Variants in DOCK2 observed in about 807,000 individuals in gnomAD.
DOCK2 encodes the protein dedicator of cytokinesis 2.
A neutral mutation model predicts 248.9 loss-of-function variants in DOCK2; 87 were observed. The observed-to-expected ratio is 0.35, with a 90% CI of 0.29 to 0.42. DOCK2 has a LOEUF of 0.42. Ranked by LOEUF, DOCK2 falls within the 10% of genes least tolerant of loss-of-function variation. DOCK2 has a pLI of 1.00. For synonymous variants in DOCK2, 805 were observed against 821.6 expected (o/e 0.98, Z 0.35); for missense variants, 1,747 against 2,300.2 (o/e 0.76, Z 4.92).
intron 27 of DOCK2, among the ~76,000 whole-genome samples, chr5:169,846,687 T>C (rs1329893563): frequency 6.6e-6 from 1 of 152,102 alleles, no homozygotes; most frequent in Non-Finnish European, 1.5e-5. Flanking sequence ...CACACATATA[T>C]ATACATACAG....
intron 25 of DOCK2, among the ~76,000 whole-genome samples, chr5:169,796,840 G>A (rs1437431951): frequency 6.6e-6 from 1 of 152,222 alleles, no homozygotes; most frequent in Non-Finnish European, 1.5e-5. Context: ...GAGAGAGTTT[G>A]TGGTTGGAAC....
rs180751047 is a variant in DOCK2, at chr5:169,945,872, A to G, written c.2800-37196A>G. On this transcript the variant is annotated intron_variant, in intron 27 of 51. Coordinates refer to ENST00000520908, the MANE Select transcript of DOCK2 (RefSeq NM_004946.3). ...TTTTTCTTGACTCGTCCTTATTTGC[A>G]TAAGAGTCTCCCAGAATATTGATGT... 3.3e-4 allele frequency among the ~76,000 whole-genome samples: 50 copies of G among 152,300 alleles called. No homozygotes were observed. In the East Asian group the frequency reaches 6.6e-3, roughly 20 times the overall value.
At chr5:169,656,326 T>C (rs936712276) in intron 2 of DOCK2, among the ~76,000 whole-genome samples, 2 of 151,396 alleles carry the variant, frequency 1.3e-5, no homozygotes, top group African/African-American at 4.8e-5. Context: ...CTAGTGGATT[T>C]TTTTTTTTTT....
In DOCK2 at chr5:169,852,877, G is replaced by A. The variant is rs537246811; in HGVS notation, c.2799+12025G>A. On this transcript the variant is annotated intron_variant, in intron 27 of 51. Coordinates refer to ENST00000520908, the MANE Select transcript of DOCK2 (RefSeq NM_004946.3). Reference sequence around the variant, plus strand: ...AAGGCACACTGTGTCTGCTGTGAAGGCCTGGAACACACATTGGAAGGAGAA... The same window carrying A: ...AAGGCACACTGTGTCTGCTGTGAAGACCTGGAACACACATTGGAAGGAGAA... Among the ~76,000 whole-genome samples, 18 of 152,324 alleles carry A rather than the reference G, an allele frequency of 1.2e-4. No individual in the cohort carries two copies. The South Asian group carries it at 3.7e-3, about 32-fold the overall frequency.
intron 27 of DOCK2, among the ~76,000 whole-genome samples, chr5:169,906,340 G>A (rs1189453301): frequency 6.6e-6 from 1 of 152,118 alleles, no homozygotes; most frequent in African/African-American, 2.4e-5. Flanking sequence ...TGTGCACATG[G>A]CCAGCATTCA....
At chr5:169,734,899 A>G (rs961983196) in intron 22 of DOCK2, among the ~76,000 whole-genome samples, 1 of 152,214 alleles carries the variant, frequency 6.6e-6, no homozygotes, top group Non-Finnish European at 1.5e-5. Context: ...GAGGGCTTGC[A>G]GACGCCTTTG....
intron 1 of DOCK2, 73 bp from the exon 2 acceptor site, chr5:169,654,330 G>A: frequency 6.4e-7 from 1 of 1,557,590 alleles, no homozygotes; most frequent in East Asian, 2.3e-5. Context: ...ACTTGAGGCA[G>A]GGAAAGCAGG....
At position 170,034,422 on chromosome 5, in the gene DOCK2, A is replaced by G. The variant is rs757958709; in HGVS notation, c.3491A>G (p.His1164Arg). The change falls in exon 35 of 52, where the codon CAC becomes CGC. Residue 1164 changes from histidine (H) to arginine (R), a missense_variant. Physicochemically the swap from His to Arg is conservative, Grantham distance 29 (BLOSUM62 0). Transcript: ENST00000520908. ...AGCCTGATGGAATGTGCTGCAGAGC[A>G]CCCAACCATTGCCAAGTCGGTGGAG... is the stretch of plus-strand genomic sequence containing the variant. Reference protein sequence around the residue: ...ESILMECAAEHPTIAKSVENF... With the variant: ...ESILMECAAERPTIAKSVENF... 3 of 1,614,134 alleles carry G rather than the reference A, an allele frequency of 1.9e-6. No individual in the cohort carries two copies. Among genetic ancestry groups the G allele is most frequent in the Non-Finnish European group, 2.5e-6 (3 of 1,180,006 alleles).
intron 25 of DOCK2, among the ~76,000 whole-genome samples, chr5:169,765,838 A>G (rs1378837380): frequency 6.6e-6 from 1 of 152,136 alleles, no homozygotes; most frequent in East Asian, 1.9e-4. Context: ...TTTTGAGCAA[A>G]GCATCCAGTT....
chr5:169,827,577 TGGG>T (rs1209803627), intron 26 of DOCK2, among the ~76,000 whole-genome samples: 1 of 152,062 alleles, frequency 6.6e-6, no homozygotes, highest in African/African-American at 2.4e-5. Flanking sequence ...GGATTAAAGG[TGGG>T]GGCACTGAGT....
At chr5:169,946,270 C>G (rs927396019) in intron 27 of DOCK2, among the ~76,000 whole-genome samples, 1 of 152,180 alleles carries the variant, frequency 6.6e-6, no homozygotes, top group Non-Finnish European at 1.5e-5. Context: ...TTCCAGCCCC[C>G]CACATCCAGC....
intron 48 of DOCK2, among the ~76,000 whole-genome samples, chr5:170,078,712 C>T (rs2113877563): frequency 6.6e-6 from 1 of 152,338 alleles, no homozygotes; most frequent in South Asian, 2.1e-4. Flanking sequence ...CTCTCCTCAC[C>T]ACCAGTTTCT....
chr5:169,803,558 C>T (rs571369021), intron 26 of DOCK2, among the ~76,000 whole-genome samples: 2 of 152,150 alleles, frequency 1.3e-5, no homozygotes, highest in South Asian at 2.1e-4. Context: ...AGAAAACTCT[C>T]GTGTCTGCTT....
intron 8 of DOCK2, 84 bp from the exon 9 acceptor site, chr5:169,689,168 A>T (rs1458106282): frequency 7.4e-7 from 1 of 1,344,266 alleles, no homozygotes; most frequent in South Asian, 1.2e-5. Context: ...GGTGTTGGGC[A>T]CATAGTAGAT....
Position 169,693,302 on chromosome 5 carries a change from G to A in DOCK2, c.844-2501G>A, listed in dbSNP as rs1482212606. Among the ~76,000 whole-genome samples the A allele has an allele frequency of 5.9e-5, 9 of 152,246 alleles. 1 individual carries two copies. In the South Asian group the frequency reaches 1.9e-3, roughly 32 times the overall value. On this transcript the variant is annotated intron_variant, in intron 9 of 51. Transcript: ENST00000520908. ...ATCCAGAGTTGGAAGTGAGCATTGT[G>A]TGTTTATGGAGCAATAAAGAAATCT...
intron 27 of DOCK2, among the ~76,000 whole-genome samples, chr5:169,932,234 C>CTAATGATGCTACTAACAT (rs1775790443): frequency 7.2e-5 from 11 of 152,062 alleles, no homozygotes; most frequent in Admixed American, 1.3e-4. Flanking sequence ...AGGGTGGGTC[C>CTAATGATGCTACTAACAT]CTGAGTTTAC....
At chr5:169,674,719 G>T (rs998628075) in intron 6 of DOCK2, among the ~76,000 whole-genome samples, 9 of 152,158 alleles carry the variant, frequency 5.9e-5, no homozygotes, top group African/African-American at 1.9e-4. Context: ...ATGGACTAGG[G>T]AGCATAGTCA....
intron 27 of DOCK2, among the ~76,000 whole-genome samples, chr5:169,949,937 A>G (rs1180069995): frequency 6.6e-6 from 1 of 152,130 alleles, no homozygotes; most frequent in Non-Finnish European, 1.5e-5. Context: ...TTTATAGTTA[A>G]TACTGGCTTA....
intron 27 of DOCK2, among the ~76,000 whole-genome samples, chr5:169,957,047 T>C (rs1776898102): frequency 6.6e-6 from 1 of 151,974 alleles, no homozygotes; most frequent in Non-Finnish European, 1.5e-5. Flanking sequence ...TACTAGATGT[T>C]GAGTAGAATT....
Sources: gnomAD v4.1 joint callset for allele counts (sites outside exome capture counted in the v4.1 genomes callset) on GRCh38, gnomAD v4.1.1 for gene constraint, MANE v1.5 for transcripts, NCBI Gene and HGNC (gene_info 2026-07-23, HGNC 2026-07-21) for gene names.